Variants in DPYD observed in about 807,000 individuals in gnomAD.
DPYD encodes the protein dihydropyrimidine dehydrogenase [NADP(+)].
DPYD carries 109 observed loss-of-function variants against 116.2 expected under a neutral mutation model. The ratio of observed to expected loss-of-function variants is 0.94; its 90% CI spans 0.80 to 1.10. The LOEUF (loss-of-function observed/expected upper bound fraction) is 1.10, where lower values mean the gene tolerates loss of function less well. DPYD is among the 50% of genes least tolerant of loss of function. DPYD has a pLI of 0.00. For synonymous variants in DPYD, 440 were observed against 432.0 expected (o/e 1.02, Z -0.23); for missense variants, 1,302 against 1,254.5 (o/e 1.04, Z -0.57).
At chr1:97,714,461 G>A (rs546398064) in intron 5 of DPYD, among the ~76,000 whole-genome samples, 3 of 151,590 alleles carry the variant, frequency 2.0e-5, no homozygotes, top group African/African-American at 4.8e-5. Context: ...CGCCTGCCTC[G>A]GCCTCCCAAA....
chr1:97,737,668 T>G (rs1664034460), intron 4 of DPYD, among the ~76,000 whole-genome samples: 1 of 152,132 alleles, frequency 6.6e-6, no homozygotes, highest in South Asian at 2.1e-4. Flanking sequence ...ATCTATTGGT[T>G]ACATTTCTGC....
chr1:97,560,853 G>A (rs1414022617), intron 11 of DPYD, among the ~76,000 whole-genome samples: 1 of 152,132 alleles, frequency 6.6e-6, no homozygotes, highest in Non-Finnish European at 1.5e-5. Context: ...TGCCATCAGA[G>A]CTAAAACATA....
chr1:97,123,517 T>C (rs886315676), intron 20 of DPYD, among the ~76,000 whole-genome samples: 1 of 152,112 alleles, frequency 6.6e-6, no homozygotes, highest in African/African-American at 2.4e-5. Flanking sequence ...AAAGTAAATA[T>C]ATGAAGAAAA....
rs1316012063 is a variant in DPYD, at chr1:97,382,594, A to G, written c.1906-133T>C. 9.9e-6 allele frequency: 5 copies of G among 505,774 alleles called. No individual in the cohort carries two copies. In the East Asian group the frequency reaches 1.8e-4, roughly 18 times the overall value. 31.3% of individuals were successfully genotyped at this position (505,774 alleles called of 1,614,324 possible). Reference sequence around the variant, plus strand: ...TAGTTTTCAAACTGTGAAAAAATAAATCATTAGAAAATAGCAGGGTAAGAT... The same window carrying G: ...TAGTTTTCAAACTGTGAAAAAATAAGTCATTAGAAAATAGCAGGGTAAGAT... On this transcript the variant is annotated intron_variant, in intron 14 of 22. Transcript: ENST00000370192.
intron 2 of DPYD, among the ~76,000 whole-genome samples, chr1:97,831,193 TTTGAA>T (rs1557994763): frequency 6.6e-6 from 1 of 152,242 alleles, no homozygotes; most frequent in Non-Finnish European, 1.5e-5. Context: ...AGACACATGA[TTTGAA>T]TTATATTTCA....
intron 20 of DPYD, among the ~76,000 whole-genome samples, chr1:97,124,822 A>T (rs1298034013): frequency 6.6e-6 from 1 of 152,096 alleles, no homozygotes; most frequent in Non-Finnish European, 1.5e-5. Context: ...CCTTTGCTTT[A>T]TGAATTTAAG....
intron 14 of DPYD, among the ~76,000 whole-genome samples, chr1:97,402,507 A>G (rs1160993562): frequency 6.6e-6 from 1 of 152,074 alleles, no homozygotes; most frequent in Non-Finnish European, 1.5e-5. Context: ...TAGTTACAGG[A>G]TATTTTTTGG....
intron 2 of DPYD, among the ~76,000 whole-genome samples, chr1:97,835,037 C>T (rs1557997586): frequency 1.3e-5 from 2 of 151,936 alleles, no homozygotes; most frequent in Non-Finnish European, 2.9e-5. Context: ...TTTCAGGGAA[C>T]ATTAAGAGGT....
At chr1:97,809,859 G>T (rs927746394) in intron 3 of DPYD, among the ~76,000 whole-genome samples, 2 of 152,070 alleles carry the variant, frequency 1.3e-5, no homozygotes, top group African/African-American at 4.8e-5. Context: ...GACAAAGCGA[G>T]CCCAGAGACA....
intron 14 of DPYD, among the ~76,000 whole-genome samples, chr1:97,444,580 C>T (rs1315405632): frequency 6.6e-6 from 1 of 152,110 alleles, no homozygotes; most frequent in Non-Finnish European, 1.5e-5. Flanking sequence ...ACAAAAAATA[C>T]ACACACATAT....
At chr1:97,247,408 C>T (rs1662791354) in intron 18 of DPYD, among the ~76,000 whole-genome samples, 1 of 152,142 alleles carries the variant, frequency 6.6e-6, no homozygotes, top group South Asian at 2.1e-4. Flanking sequence ...TACCACAAGT[C>T]AGCTACTTGC....
At chr1:97,345,762 A>T (rs1372789115) in intron 16 of DPYD, among the ~76,000 whole-genome samples, 1 of 151,954 alleles carries the variant, frequency 6.6e-6, no homozygotes, top group Non-Finnish European at 1.5e-5. Context: ...CACTTGCTTT[A>T]TATGATAACA....
At chr1:97,367,632 G>T (rs114037302) in intron 16 of DPYD, among the ~76,000 whole-genome samples, 1,968 of 152,188 alleles carry the variant, frequency 0.013, 24 homozygotes, top group South Asian at 0.023. Context: ...TCTTTGTTCA[G>T]GTCCTTATTT....
At chr1:97,127,989 T>C (rs1202078314) in intron 20 of DPYD, among the ~76,000 whole-genome samples, 1 of 152,210 alleles carries the variant, frequency 6.6e-6, no homozygotes, top group East Asian at 1.9e-4. Context: ...ATAAATTTGT[T>C]GAGTGCTTAA....
intron 19 of DPYD, among the ~76,000 whole-genome samples, chr1:97,207,986 T>G (rs2101863473): frequency 6.6e-6 from 1 of 152,304 alleles, no homozygotes; most frequent in East Asian, 1.9e-4. Flanking sequence ...GTACAAATAT[T>G]ATTGCCATTG....
chr1:97,159,848 A>T (rs970776311), intron 20 of DPYD, among the ~76,000 whole-genome samples: 1 of 152,052 alleles, frequency 6.6e-6, no homozygotes, highest in Non-Finnish European at 1.5e-5. Flanking sequence ...AAATAACAAA[A>T]CAGACATATG....
chr1:97,680,348 C>A (rs1206387081), intron 7 of DPYD, among the ~76,000 whole-genome samples: 2 of 152,080 alleles, frequency 1.3e-5, no homozygotes, highest in Non-Finnish European at 2.9e-5. Flanking sequence ...CCATTTAATC[C>A]ACCAGCCTGT....
intron 3 of DPYD, among the ~76,000 whole-genome samples, chr1:97,807,540 A>C (rs150044331): frequency 6.6e-6 from 1 of 151,894 alleles, no homozygotes; most frequent in African/African-American, 2.4e-5. Flanking sequence ...TATGTCATTT[A>C]TTTATCTGTT....
intron 11 of DPYD, among the ~76,000 whole-genome samples, chr1:97,571,266 CAA>C (rs751505129): frequency 4.6e-5 from 7 of 151,944 alleles, no homozygotes; most frequent in Non-Finnish European, 1.0e-4. Flanking sequence ...GTGTCACAAA[CAA>C]GAATATGCTC....
Sources: allele counts gnomAD v4.1 joint callset (sites outside exome capture counted in the v4.1 genomes callset), GRCh38; gene constraint gnomAD v4.1.1; transcripts MANE v1.5; gene names NCBI Gene and HGNC (gene_info 2026-07-23, HGNC 2026-07-21).